Variants in CNGB3 observed in about 807,000 individuals in gnomAD.
CNGB3 encodes the protein cyclic nucleotide-gated channel beta-3.
A neutral mutation model predicts 92.8 loss-of-function variants in CNGB3; 86 were observed. The observed-to-expected ratio is 0.93, with a 90% CI of 0.78 to 1.11. The LOEUF (loss-of-function observed/expected upper bound fraction) is 1.11. CNGB3 is among the 50% of genes least tolerant of loss of function. The pLI is 0.00. For missense variants in CNGB3, 1,026 were observed against 956.8 expected (o/e 1.07, Z -0.95); for synonymous variants, 333 against 332.7 (o/e 1.00, Z -0.01).
At chr8:86,648,978 A>C (rs1265200515) in intron 7 of CNGB3, among the ~76,000 whole-genome samples, 1 of 151,526 alleles carries the variant, frequency 6.6e-6, no homozygotes, top group African/African-American at 2.4e-5. Context: ...ATCAATGTAC[A>C]CAAATCAGTA....
At chr8:86,610,689 A>G (rs1365455960) in intron 14 of CNGB3, among the ~76,000 whole-genome samples, 3 of 151,906 alleles carry the variant, frequency 2.0e-5, no homozygotes, top group Non-Finnish European at 2.9e-5. Context: ...TTTTTGAACT[A>G]CTCATTTTTC....
chr8:86,675,497 C>A (rs1823948762), intron 3 of CNGB3, among the ~76,000 whole-genome samples: 1 of 152,010 alleles, frequency 6.6e-6, no homozygotes, highest in South Asian at 2.1e-4. Flanking sequence ...CTTACTGAGG[C>A]CATAAACTCC....
At chr8:86,725,375 G>A (rs1178203401) in intron 3 of CNGB3, among the ~76,000 whole-genome samples, 1 of 152,006 alleles carries the variant, frequency 6.6e-6, no homozygotes, top group Non-Finnish European at 1.5e-5. Flanking sequence ...TCCACTAATA[G>A]GACTGAAAAT....
intron 3 of CNGB3, chr8:86,704,395 A>C (rs1336959445): frequency 6.6e-6 from 1 of 152,214 alleles, no homozygotes; most frequent in Non-Finnish European, 1.5e-5. Context: ...TTGTTGTTCT[A>C]GGGTCAACTG....
chr8:86,616,474 T>C (rs1043511269), intron 13 of CNGB3, among the ~76,000 whole-genome samples: 26 of 152,016 alleles, frequency 1.7e-4, no homozygotes, highest in African/African-American at 6.3e-4. Context: ...CTCCAGAAAA[T>C]GATTATTTTC....
intron 15 of CNGB3, among the ~76,000 whole-genome samples, chr8:86,588,486 A>T (rs1325308535): frequency 1.1e-4 from 16 of 146,598 alleles, no homozygotes; most frequent in Non-Finnish European, 2.3e-4. Flanking sequence ...TGTCATAGAT[A>T]GCTCTTATTA....
chr8:86,740,609 A>G (rs917699381), intron 1 of CNGB3, among the ~76,000 whole-genome samples: 1 of 152,162 alleles, frequency 6.6e-6, no homozygotes. Flanking sequence ...GAGGCTTGAG[A>G]GTAGGCAGGG....
Position 86,629,007 on chromosome 8 carries a change from G to C in CNGB3, c.1392C>G (p.Ala464=), listed in dbSNP as rs1461745536. 6.2e-7 allele frequency: 1 copy of C among 1,614,040 alleles called. No homozygotes were observed. The highest frequency in any genetic ancestry group is 8.5e-7 in the Non-Finnish European group (1 of 1,179,962). The change falls in exon 12 of 18, where the codon GCC becomes GCG. Residue 464 remains alanine (A), a synonymous_variant. Coordinates refer to ENST00000320005, the MANE Select transcript of CNGB3 (RefSeq NM_019098.5). ...TAGGAATGGAGTAATTGTTCATGTA[G>C]GCAATGGTGTCATCCATGCAGGCGC... ...YFRACMDDTI[A]YMNNYSIPKL... is the part of the protein sequence containing the mutation.
At position 86,647,371 on chromosome 8, in the gene CNGB3, A is replaced by T. The variant is rs76779122; in HGVS notation, c.990+430T>A. Among the ~76,000 whole-genome samples, 226 of 150,982 alleles carry T rather than the reference A, an allele frequency of 1.5e-3. 2 individuals are homozygous for T. The East Asian group carries it at 0.042, about 28-fold the overall frequency. The stretch of plus-strand genomic sequence containing the variant: ...TAAAAGTATGTTTACATTTTTTTTT[A>T]GAATTACAAAATTTAAGATGAGTAA... On this transcript the variant is annotated intron_variant, in intron 8 of 17. Coordinates refer to ENST00000320005, the MANE Select transcript of CNGB3 (RefSeq NM_019098.5).
At position 86,628,899 on chromosome 8, in the gene CNGB3, C is replaced by A. The variant is rs117375929; in HGVS notation, c.1480+20G>T. 6.2e-7 allele frequency: 1 copy of A among 1,612,238 alleles called. No individual in the cohort carries two copies. The highest frequency in any genetic ancestry group is 8.5e-7 in the Non-Finnish European group (1 of 1,178,490). ...ATGACAAGGTTTACAGGAATTTAATCGGTAATCTGCCATGCTTACCTAGCA... is the reference window on the plus strand; with the variant it reads ...ATGACAAGGTTTACAGGAATTTAATAGGTAATCTGCCATGCTTACCTAGCA... On this transcript the variant is annotated intron_variant, in intron 12 of 17. Transcript: ENST00000320005.
At chr8:86,594,457 G>A in intron 15 of CNGB3, 1 of 281,516 alleles carries the variant, frequency 3.6e-6, no homozygotes, top group Non-Finnish European at 7.0e-6. Context: ...TGAGCTTGTC[G>A]GTGGTAAAGA....
At chr8:86,625,144 AT>A (rs202178260) in intron 13 of CNGB3, among the ~76,000 whole-genome samples, 39 of 151,506 alleles carry the variant, frequency 2.6e-4, no homozygotes, top group Middle Eastern at 3.4e-3. Flanking sequence ...AGTCTCAGGT[AT>A]TTTTTTTTAA....
intron 3 of CNGB3, among the ~76,000 whole-genome samples, chr8:86,683,784 A>G (rs1824128577): frequency 6.6e-6 from 1 of 152,182 alleles, no homozygotes; most frequent in South Asian, 2.1e-4. Flanking sequence ...CTGGACGGCC[A>G]TAGGCAAGAA....
chr8:86,646,635 TCAGGATCTGCTGGTGTTAC>T, intron 8 of CNGB3, among the ~76,000 whole-genome samples: 1 of 151,310 alleles, frequency 6.6e-6, no homozygotes, highest in Non-Finnish European at 1.5e-5. Context: ...GTTGTTGTTG[TCAGGATCTGCTGGTGTTAC>T]CAGGTTATGT....
At chr8:86,670,556 A>C (rs1326685867) in intron 4 of CNGB3, among the ~76,000 whole-genome samples, 2 of 152,100 alleles carry the variant, frequency 1.3e-5, no homozygotes, top group African/African-American at 2.4e-5. Flanking sequence ...ATGGCAGAGC[A>C]GTAGTCCTCT....
In CNGB3 at chr8:86,743,602, T is replaced by C. The variant is rs1244994789; in HGVS notation, c.26A>G (p.Asn9Ser). MFKSLTKV[N>S]KVKPIGENNE... The stretch of plus-strand genomic sequence containing the variant: ...GTTCTCTCCTATAGGCTTCACCTTG[T>C]TGACTTTTGTCAGCGATTTAAACAT... The change falls in exon 1 of 18, where the codon AAC becomes AGC. Residue 9 changes from asparagine (N) to serine (S), a missense_variant. Physicochemically the swap from Asn to Ser is conservative, Grantham distance 46. Transcript: ENST00000320005. 2 of 1,614,042 alleles carry C rather than the reference T, an allele frequency of 1.2e-6. No homozygotes were observed. The highest frequency in any genetic ancestry group is 8.5e-7 in the Non-Finnish European group (1 of 1,179,900).
Position 86,738,090 on chromosome 8 carries a change from G to A in CNGB3, c.211+1565C>T, listed in dbSNP as rs1301116917. On this transcript the variant is annotated intron_variant, in intron 2 of 17. Coordinates refer to ENST00000320005, the MANE Select transcript of CNGB3 (RefSeq NM_019098.5). ...GAAGTCATTAACAATTATCATACACGGACTTTGTCTAACAGATGAAAAGCA... is the reference window on the plus strand; with the variant it reads ...GAAGTCATTAACAATTATCATACACAGACTTTGTCTAACAGATGAAAAGCA... Among the ~76,000 whole-genome samples the A allele has an allele frequency of 2.6e-5, 4 of 152,096 alleles. No homozygotes were observed. The East Asian group carries it at 5.8e-4, about 22-fold the overall frequency.
At chr8:86,602,758 C>T (rs964947318) in intron 15 of CNGB3, among the ~76,000 whole-genome samples, 1 of 152,176 alleles carries the variant, frequency 6.6e-6, no homozygotes, top group Non-Finnish European at 1.5e-5. Flanking sequence ...CATTCTTGCT[C>T]CTCTACTGTA....
chr8:86,590,538 G>C (rs1822005289), intron 15 of CNGB3, among the ~76,000 whole-genome samples: 1 of 151,970 alleles, frequency 6.6e-6, no homozygotes, highest in African/African-American at 2.4e-5. Context: ...AGGCCTGGTG[G>C]TGACAAAATC....
Sources: gnomAD v4.1 joint callset for allele counts (sites outside exome capture counted in the v4.1 genomes callset) on GRCh38, gnomAD v4.1.1 for gene constraint, MANE v1.5 for transcripts, NCBI Gene and HGNC (gene_info 2026-07-23, HGNC 2026-07-21) for gene names.